The following CTNNA2 variants were observed in gnomAD, a reference collection of about 807,000 sequenced individuals.
CTNNA2 encodes catenin alpha 2, also known as catenin alpha-2.
In CTNNA2, 42 loss-of-function variants were observed where a neutral mutation model predicts 101.0. The observed-to-expected ratio is 0.42, with a 90% CI of 0.32 to 0.54. The LOEUF (loss-of-function observed/expected upper bound fraction) is 0.54, where lower values mean the gene tolerates loss of function less well. CTNNA2 is among the 20% of genes least tolerant of loss of function. The probability of loss-of-function intolerance (pLI) is 0.14; values close to 1 mark genes in which losing one functional copy is unlikely to be tolerated. For missense variants in CTNNA2, 871 were observed against 1,223.1 expected (o/e 0.71, Z 4.29); for synonymous variants, 450 against 456.4 (o/e 0.99, Z 0.18).
At chr2:79,930,082 C>T (rs549129236) in intron 7 of CTNNA2, among the ~76,000 whole-genome samples, 6 of 151,886 alleles carry the variant, frequency 4.0e-5, no homozygotes, top group African/African-American at 1.4e-4. Context: ...ACTAAAAATA[C>T]AAAAATTAGC....
intron 9 of CTNNA2, among the ~76,000 whole-genome samples, chr2:80,483,436 A>C (rs2149503681): frequency 6.6e-6 from 1 of 151,334 alleles, no homozygotes; most frequent in Middle Eastern, 3.4e-3. Flanking sequence ...TGTGCATCAA[A>C]GATGATCAGG....
At chr2:79,289,680 G>T (rs1675740253) in intron 2 of CTNNA2, among the ~76,000 whole-genome samples, 1 of 152,210 alleles carries the variant, frequency 6.6e-6, no homozygotes, top group African/African-American at 2.4e-5. Flanking sequence ...AGGAGCCAGA[G>T]ATTGCAGTGA....
intron 9 of CTNNA2, among the ~76,000 whole-genome samples, chr2:80,482,752 T>A (rs1476755703): frequency 6.6e-6 from 1 of 152,202 alleles, no homozygotes; most frequent in Non-Finnish European, 1.5e-5. Flanking sequence ...TCAGGAGATT[T>A]TTTACATACA....
chr2:79,959,716 T>G (rs1322387315), intron 7 of CTNNA2, among the ~76,000 whole-genome samples: 3 of 152,216 alleles, frequency 2.0e-5, no homozygotes, highest in Admixed American at 6.5e-5. Flanking sequence ...TCTAAGCCAT[T>G]TACACAAGTA....
At chr2:80,300,279 GGGGTGT>G (rs755106957) in intron 7 of CTNNA2, among the ~76,000 whole-genome samples, 9,414 of 127,966 alleles carry the variant, frequency 0.074, 390 homozygotes, top group South Asian at 0.11. Flanking sequence ...CTGGGGTGTT[GGGGTGT>G]GTGTGTGTGT....
At chr2:79,744,114 C>T (rs1671481131) in intron 2 of CTNNA2, among the ~76,000 whole-genome samples, 1 of 152,118 alleles carries the variant, frequency 6.6e-6, no homozygotes, top group East Asian at 1.9e-4. Flanking sequence ...GAACTTGAAG[C>T]TTTGACCCAC....
intron 18 of CTNNA2, among the ~76,000 whole-genome samples, chr2:80,644,098 C>G (rs906702168): frequency 1.3e-5 from 2 of 152,076 alleles, no homozygotes; most frequent in Admixed American, 6.6e-5. Flanking sequence ...GAACATTGCT[C>G]CATGGTGGGG....
intron 7 of CTNNA2, among the ~76,000 whole-genome samples, chr2:79,959,984 T>C (rs1259259512): frequency 6.6e-6 from 1 of 152,218 alleles, no homozygotes; most frequent in African/African-American, 2.4e-5. Flanking sequence ...TAATTCATGT[T>C]TAAAAGTGTC....
At chr2:80,488,642 G>A (rs1289790517) in intron 9 of CTNNA2, among the ~76,000 whole-genome samples, 1 of 152,128 alleles carries the variant, frequency 6.6e-6, no homozygotes, top group Admixed American at 6.5e-5. Flanking sequence ...TTGTTATTCA[G>A]TTTCCATTCT....
chr2:80,257,131 T>G (rs1227692340), intron 7 of CTNNA2, among the ~76,000 whole-genome samples: 1 of 152,152 alleles, frequency 6.6e-6, no homozygotes, highest in Non-Finnish European at 1.5e-5. Context: ...TTTATAGTCT[T>G]CAGTGCAGCA....
At chr2:80,378,627 C>G (rs1676211861) in intron 7 of CTNNA2, 1 of 152,140 alleles carries the variant, frequency 6.6e-6, no homozygotes, top group Non-Finnish European at 1.5e-5. Flanking sequence ...GTTAAAAATC[C>G]AGTTTTCCAT....
chr2:79,512,983 C>T (rs1671603122), upstream of CTNNA2: 1 of 150,184 alleles, frequency 6.7e-6, no homozygotes, highest in African/African-American at 2.4e-5. Context: ...GGACGCGGGG[C>T]GGGCGGGGGG....
chr2:79,221,147 TTTG>T (rs1335747738), intron 2 of CTNNA2, among the ~76,000 whole-genome samples: 2 of 51,936 alleles, frequency 3.9e-5, no homozygotes, highest in South Asian at 6.6e-4. Context: ...TCAAATTTGT[TTTG>T]TTTTTGTTGT....
chr2:79,910,558 T>TGCAA (rs1380313238), intron 7 of CTNNA2, among the ~76,000 whole-genome samples: 1 of 152,220 alleles, frequency 6.6e-6, no homozygotes, highest in African/African-American at 2.4e-5. Context: ...CAGTGGATGA[T>TGCAA]CTGTGCTTCC....
Position 80,188,779 on chromosome 2 carries a change from C to T in CTNNA2, c.1057-204432C>T, listed in dbSNP as rs532254770. 1.7e-4 allele frequency among the ~76,000 whole-genome samples: 26 copies of T among 152,176 alleles called. No individual in the cohort carries two copies. In the East Asian group the frequency reaches 2.3e-3, roughly 14 times the overall value. ...ACTTGGATAGTCGAGGTAACCTCCC[C>T]GTCTCAAGATCTTTAATTGTGTCTG... is the stretch of plus-strand genomic sequence containing the variant. On this transcript the variant is annotated intron_variant, in intron 7 of 18. Transcript: ENST00000402739.
At position 79,359,780 on chromosome 2, in the gene CTNNA2, G is replaced by A. The variant is rs564379704; in HGVS notation, c.-317-14051G>A. On this transcript the variant is annotated intron_variant, in intron 3 of 21. Coordinates refer to the CTNNA2 transcript ENST00000466387. ...TTCTAAACCTAGAGCTCTTGACTCA[G>A]TCTGAAGGTTTTTTTTTTCTGTAAT... 7.3e-5 allele frequency among the ~76,000 whole-genome samples: 11 copies of A among 150,608 alleles called. No homozygotes were observed. In the South Asian group the frequency reaches 2.4e-3, roughly 32 times the overall value.
At chr2:80,187,769 C>G (rs1258767736) in intron 7 of CTNNA2, among the ~76,000 whole-genome samples, 1 of 151,680 alleles carries the variant, frequency 6.6e-6, no homozygotes, top group Non-Finnish European at 1.5e-5. Context: ...ACAGATGCCT[C>G]TCAATTTTTA....
At chr2:79,887,225 G>A (rs1683952455) in intron 6 of CTNNA2, among the ~76,000 whole-genome samples, 1 of 152,144 alleles carries the variant, frequency 6.6e-6, no homozygotes, top group Non-Finnish European at 1.5e-5. Context: ...TGAGAAATTA[G>A]GAATGTCTGC....
chr2:80,288,136 G>A (rs767224392), intron 7 of CTNNA2, among the ~76,000 whole-genome samples: 14 of 152,070 alleles, frequency 9.2e-5, no homozygotes, highest in Admixed American at 1.3e-4. Context: ...CCAAGTGGGG[G>A]ACATTCAACT....
Sources: allele counts gnomAD v4.1 joint callset (sites outside exome capture counted in the v4.1 genomes callset), GRCh38; gene constraint gnomAD v4.1.1; transcripts MANE v1.5; gene names NCBI Gene and HGNC (gene_info 2026-07-23, HGNC 2026-07-21).